Variants in ZMYM2 observed in about 807,000 individuals in gnomAD.
ZMYM2 encodes the protein zinc finger MYM-type protein 2.
Under a neutral mutation model 162.8 loss-of-function variants are expected in ZMYM2, and 56 were observed. The ratio of observed to expected loss-of-function variants is 0.34; its 90% CI spans 0.28 to 0.43. ZMYM2 has a LOEUF of 0.43. Ranked by LOEUF, ZMYM2 falls within the 20% of genes least tolerant of loss-of-function variation. The pLI is 1.00. For missense variants in ZMYM2, 1,275 were observed against 1,621.8 expected (o/e 0.79, Z 3.67); for synonymous variants, 510 against 541.6 (o/e 0.94, Z 0.81).
Position 20,068,220 on chromosome 13 carries a change from A to G in ZMYM2, c.3453+830A>G, listed in dbSNP as rs185913689. The G allele has an allele frequency of 2.2e-5, 4 of 180,650 alleles. No individual in the cohort carries two copies. In the Admixed American group the frequency reaches 2.5e-4, roughly 11 times the overall value. 11.2% of individuals were successfully genotyped at this position (180,650 alleles called of 1,614,324 possible). On this transcript the variant is annotated intron_variant, in intron 21 of 24. Transcript: ENST00000610343. Reference sequence around the variant, plus strand: ...ACGTGAATAGGTTTACTTTTTTCTTATTCTCGTTTTATAGGTTTACATGTA... The same window carrying G: ...ACGTGAATAGGTTTACTTTTTTCTTGTTCTCGTTTTATAGGTTTACATGTA...
At chr13:20,058,992 T>C in intron 15 of ZMYM2, 1 of 474,510 alleles carries the variant, frequency 2.1e-6, no homozygotes, top group South Asian at 1.9e-5. Context: ...TTATAATGCT[T>C]CCTCTGAGAA....
chr13:19,924,677 C>T, the ZMYM2 span, among the ~76,000 whole-genome samples: 70,409 of 151,884 alleles, frequency 0.46, 17,253 homozygotes, highest in African/African-American at 0.63. Context: ...TTCCATTGTA[C>T]ATATATCCTA....
chr13:19,979,871 T>C (rs777029059), intron 2 of ZMYM2, among the ~76,000 whole-genome samples: 3 of 152,172 alleles, frequency 2.0e-5, no homozygotes, highest in Non-Finnish European at 2.9e-5. Context: ...AGATCCAAAG[T>C]AGTTGGTTTC....
At chr13:19,995,077 T>C (rs1180972667) in intron 3 of ZMYM2, among the ~76,000 whole-genome samples, 1 of 151,888 alleles carries the variant, frequency 6.6e-6, no homozygotes, top group African/African-American at 2.4e-5. Flanking sequence ...ACTCCTGGGC[T>C]CAAACATTCC....
the ZMYM2 span, among the ~76,000 whole-genome samples, chr13:19,916,414 T>C: frequency 6.6e-6 from 1 of 152,278 alleles, no homozygotes; most frequent in Middle Eastern, 3.4e-3. Context: ...CATGCACACG[T>C]ATGTTTATTG....
chr13:19,896,169 A>G, the ZMYM2 span, among the ~76,000 whole-genome samples: 1 of 151,260 alleles, frequency 6.6e-6, no homozygotes, highest in Non-Finnish European at 1.5e-5. Context: ...TGAAGTTTGA[A>G]TGTCCCCTCT....
At chr13:20,064,413 T>A in intron 18 of ZMYM2, 38 bp from the exon 19 acceptor site, 2 of 1,527,478 alleles carry the variant, frequency 1.3e-6, no homozygotes, top group South Asian at 2.4e-5. Context: ...AACCCTGTGC[T>A]ATTTCATTTA....
the ZMYM2 span, among the ~76,000 whole-genome samples, chr13:19,924,676 A>T: frequency 6.6e-6 from 1 of 152,150 alleles, no homozygotes; most frequent in Non-Finnish European, 1.5e-5. Context: ...ATTCCATTGT[A>T]CATATATCCT....
rs867248383 is a variant in ZMYM2, at chr13:19,987,565, C to T, written c.-10-5498C>T. ...GGCGTGAGGCACCGCACCCGGGCGC[C>T]CCGCTACGTGTGTGTGTGTGTGTGT... On this transcript the variant is annotated intron_variant, in intron 2 of 24. Coordinates refer to ENST00000610343, the MANE Select transcript of ZMYM2 (RefSeq NM_197968.4). 9.2e-5 allele frequency among the ~76,000 whole-genome samples: 13 copies of T among 141,774 alleles called. No homozygotes were observed. The Middle Eastern group carries it at 0.012, about 135-fold the overall frequency. 93.0% of individuals were successfully genotyped at this position (141,774 alleles called of 152,430 possible).
chr13:20,057,151 A>ATCTT (rs1955859381), intron 14 of ZMYM2, among the ~76,000 whole-genome samples: 2 of 152,082 alleles, frequency 1.3e-5, no homozygotes, highest in African/African-American at 4.8e-5. Flanking sequence ...CATCCAGGCT[A>ATCTT]GAGTGCAGTG....
intron 12 of ZMYM2, among the ~76,000 whole-genome samples, chr13:20,046,579 ATATG>A (rs1455046446): frequency 3.2e-4 from 13 of 41,080 alleles, no homozygotes; most frequent in African/African-American, 7.5e-4. Flanking sequence ...ATATATATAT[ATATG>A]TGTGTGTGTG....
At chr13:19,877,422 C>CT in the ZMYM2 span, among the ~76,000 whole-genome samples, 3 of 152,092 alleles carry the variant, frequency 2.0e-5, no homozygotes, top group Non-Finnish European at 4.4e-5. Context: ...AGCCAGACTC[C>CT]TTTTACCTAC....
chr13:19,901,594 C>G, the ZMYM2 span, among the ~76,000 whole-genome samples: 2 of 152,058 alleles, frequency 1.3e-5, no homozygotes, highest in Non-Finnish European at 2.9e-5. Context: ...AAGCAGTTCT[C>G]TGTCTCAGCC....
chr13:20,017,202 T>G (rs1289751022), intron 6 of ZMYM2, among the ~76,000 whole-genome samples: 1 of 152,302 alleles, frequency 6.6e-6, no homozygotes, highest in East Asian at 1.9e-4. Flanking sequence ...CTTCTCTGAC[T>G]TTACCATGGC....
chr13:20,042,723 TA>T (rs200792361), intron 12 of ZMYM2, among the ~76,000 whole-genome samples: 13 of 140,816 alleles, frequency 9.2e-5, no homozygotes, highest in African/African-American at 1.4e-4. Context: ...TTATTATTAT[TA>T]TTTTTTTTTA....
At position 20,088,167 on chromosome 13, in the gene ZMYM2, T is replaced by G. The variant is rs972759583; in HGVS notation, c.*2153T>G. On this transcript the variant is annotated 3_prime_UTR_variant, in exon 25 of 25. Coordinates refer to ENST00000610343, the MANE Select transcript of ZMYM2 (RefSeq NM_197968.4). Reference sequence around the variant, plus strand: ...GACATGATTGAGGATTTAGAGCTCTTGTCTTTGTCTTGATTGCAATCCAAC... The same window carrying G: ...GACATGATTGAGGATTTAGAGCTCTGGTCTTTGTCTTGATTGCAATCCAAC... The G allele has an allele frequency of 3.9e-5, 8 of 205,098 alleles. No individual in the cohort carries two copies. The highest frequency in any genetic ancestry group is 1.8e-4 in the African/African-American group (8 of 43,872). 12.7% of individuals were successfully genotyped at this position (205,098 alleles called of 1,614,324 possible).
At chr13:20,066,756 A>T in intron 19 of ZMYM2, 95 bp from the exon 20 acceptor site, 1 of 1,262,840 alleles carries the variant, frequency 7.9e-7, no homozygotes, top group East Asian at 2.8e-5. Context: ...TCAAGGGTCA[A>T]TTGTAATTTG....
At chr13:19,927,445 T>C in the ZMYM2 span, among the ~76,000 whole-genome samples, 3 of 152,236 alleles carry the variant, frequency 2.0e-5, no homozygotes, top group African/African-American at 7.2e-5. Context: ...TGTGGTCTTC[T>C]GAGACTTCCT....
chr13:20,029,330 C>G (rs1383730599), intron 9 of ZMYM2, among the ~76,000 whole-genome samples: 3 of 152,224 alleles, frequency 2.0e-5, no homozygotes, highest in Non-Finnish European at 4.4e-5. Context: ...ATGGTCTGAT[C>G]ACCTTTTCAA....
Sources: allele counts gnomAD v4.1 joint callset (sites outside exome capture counted in the v4.1 genomes callset), GRCh38; gene constraint gnomAD v4.1.1; transcripts MANE v1.5; gene names NCBI Gene and HGNC (gene_info 2026-07-23, HGNC 2026-07-21).